The following KNL1 variants were observed in gnomAD, a reference collection of about 807,000 sequenced individuals.
KNL1 encodes outer kinetochore KNL1 complex subunit KNL1.
A neutral mutation model predicts 201.3 loss-of-function variants in KNL1; 66 were observed. The observed-to-expected ratio is 0.33, with a 90% CI of 0.27 to 0.40. The LOEUF (loss-of-function observed/expected upper bound fraction) is 0.40, where lower values mean the gene tolerates loss of function less well. Ranked by LOEUF, KNL1 falls within the 10% of genes least tolerant of loss-of-function variation. The pLI is 1.00. For synonymous variants in KNL1, 895 were observed against 899.2 expected, an observed-to-expected ratio of 1.00 and a Z score of 0.08; for missense variants, 2,815 against 2,690.5, an observed-to-expected ratio of 1.05 and a Z score of -1.02.
chr15:40,652,439 C>G (rs956670746), intron 21 of KNL1, among the ~76,000 whole-genome samples: 9 of 149,888 alleles, frequency 6.0e-5, no homozygotes, highest in Non-Finnish European at 1.0e-4. Flanking sequence ...AGAATTTACC[C>G]TAATGGCTGG....
At chr15:40,654,423 GTAGTTGAACAGTC>G (rs59569687) in intron 21 of KNL1, among the ~76,000 whole-genome samples, 5,192 of 152,080 alleles carry the variant, frequency 0.034, 275 homozygotes, top group African/African-American at 0.12. Flanking sequence ...ACCAATCAAT[GTAGTTGAACAGTC>G]TCAGGGGAGC....
Position 40,624,077 on chromosome 15 carries a change from A to G in KNL1, c.3813A>G (p.Gln1271=), listed in dbSNP as rs562254573. Residue 1271 remains glutamine, a synonymous_variant, in exon 10 of 26, where the codon CAA becomes CAG. Coordinates refer to ENST00000399668, the MANE Select transcript of KNL1 (RefSeq NM_144508.5). ...VDQACTLEKA[Q]VESCQLNNRD... is the part of the protein sequence containing the mutation. ...AGGCCTGTACATTGGAAAAAGCGCAAGTTGAAAGCTGTCAGTTAAATAATA... is the reference window on the plus strand; with the variant it reads ...AGGCCTGTACATTGGAAAAAGCGCAGGTTGAAAGCTGTCAGTTAAATAATA... The G allele has an allele frequency of 1.9e-6, 3 of 1,614,086 alleles. No individual in the cohort carries two copies.
intron 13 of KNL1, among the ~76,000 whole-genome samples, chr15:40,637,072 C>G (rs1186423965): frequency 6.6e-6 from 1 of 150,824 alleles, no homozygotes; most frequent in Admixed American, 6.6e-5. Flanking sequence ...AGTTTGTTTT[C>G]TTGGGATCCA....
At chr15:40,648,346 C>G (rs577266329) in intron 17 of KNL1, among the ~76,000 whole-genome samples, 12 of 152,264 alleles carry the variant, frequency 7.9e-5, no homozygotes, top group African/African-American at 2.9e-4. Context: ...GCAGGAAGAT[C>G]TCTTGAGCCC....
intron 4 of KNL1, among the ~76,000 whole-genome samples, chr15:40,607,665 G>T (rs1042955809): frequency 1.7e-4 from 26 of 152,188 alleles, no homozygotes; most frequent in African/African-American, 6.0e-4. Flanking sequence ...AAGAAGGTGG[G>T]GAAGGAAGGT....
At chr15:40,609,891 G>C (rs763751236) in intron 5 of KNL1, among the ~76,000 whole-genome samples, 9 of 152,000 alleles carry the variant, frequency 5.9e-5, no homozygotes, top group Non-Finnish European at 1.0e-4. Context: ...GTCTCTACTA[G>C]AAATAAAAAA....
intron 5 of KNL1, 67 bp downstream of exon 5, chr15:40,608,975 A>T: frequency 1.0e-6 from 1 of 987,250 alleles, no homozygotes; most frequent in Admixed American, 1.8e-5. Context: ...AACCAAATGT[A>T]TTGGTACTGA....
At chr15:40,614,077 C>T (rs1236132573) in intron 7 of KNL1, among the ~76,000 whole-genome samples, 48 of 149,400 alleles carry the variant, frequency 3.2e-4, no homozygotes, top group African/African-American at 1.2e-4. Flanking sequence ...GGATTACAGG[C>T]GTGAGCCACC....
Position 40,622,809 on chromosome 15 carries a change from G to A in KNL1, c.2545G>A (p.Gly849Arg). Residue 849 changes from glycine (G) to arginine (R), a missense_variant, in exon 10 of 26, where the codon GGA becomes AGA. Transcript: ENST00000399668. ...PKEKQNVKIW[G>R]RKSVGGPKID... ...GGAAAAGCAAAATGTCAAAATTTGG[G>A]GAAGGAAAAGTGTTGGTGGACCAAA... The A allele has an allele frequency of 6.2e-7, 1 of 1,612,892 alleles. No individual in the cohort carries two copies. The highest frequency in any genetic ancestry group is 2.2e-5 in the East Asian group (1 of 44,866).
Position 40,651,461 on chromosome 15 carries a change from T to C in KNL1, c.6213-10T>C. 1.9e-6 allele frequency: 3 copies of C among 1,577,832 alleles called. No individual in the cohort carries two copies. Among genetic ancestry groups the C allele is most frequent in the Non-Finnish European group, 2.6e-6 (3 of 1,163,010 alleles). ...ACCTTATCTCTCTGAATACCTGCTT[T>C]TATTTGCAGAAATCTCTTAGAACTG... On this transcript the variant is annotated splice_polypyrimidine_tract_variant and intron_variant, in intron 19 of 25. Transcript: ENST00000399668.
chr15:40,652,192 A>G (rs1271367887), intron 21 of KNL1, 87 bp downstream of exon 21: 3 of 808,142 alleles, frequency 3.7e-6, no homozygotes, highest in Middle Eastern at 2.8e-4. Context: ...TACTATACTG[A>G]TAACTATTGG....
chr15:40,620,853 AAAG>A lies in KNL1; in HGVS notation c.593_595del (p.Glu198del), dbSNP rs766707686. On this transcript the variant is annotated inframe_deletion, in exon 10 of 26. Transcript: ENST00000399668. ...TCACACCGAGGACTCAAGAATGAAA[AAAG>A]AAGTAAATTTTTCCGTGGATCAAAA... 21 of 1,595,782 alleles carry A rather than the reference AAAG, an allele frequency of 1.3e-5. No homozygotes were observed. Among genetic ancestry groups the A allele is most frequent in the Non-Finnish European group, 1.6e-5 (19 of 1,174,454 alleles).
chr15:40,602,094 A>G (rs1264716822), intron 1 of KNL1, among the ~76,000 whole-genome samples: 3 of 149,944 alleles, frequency 2.0e-5, no homozygotes, highest in African/African-American at 7.4e-5. Context: ...TGGTGGCGCT[A>G]TCTCGGCTCA....
chr15:40,618,506 A>G (rs1426931909), intron 8 of KNL1, among the ~76,000 whole-genome samples: 1 of 152,040 alleles, frequency 6.6e-6, no homozygotes, highest in East Asian at 1.9e-4. Context: ...CAGGAAATAA[A>G]AATAGAGAAG....
intron 14 of KNL1, 27 bp from the exon 15 acceptor site, chr15:40,644,970 G>A: frequency 6.9e-7 from 1 of 1,458,822 alleles, no homozygotes; most frequent in Non-Finnish European, 9.6e-7. Context: ...TTTCCCTACA[G>A]TGCTAATTAA....
At chr15:40,601,137 G>T (rs544407581) in intron 1 of KNL1, among the ~76,000 whole-genome samples, 1 of 152,182 alleles carries the variant, frequency 6.6e-6, no homozygotes, top group Non-Finnish European at 1.5e-5. Context: ...TCCGCCTTCT[G>T]TCGGATCAGC....
rs1477856606 is a variant in KNL1 at position 40,622,916 on chromosome 15, T to C, written c.2652T>C (p.His884=). Residue 884 remains histidine (H), a synonymous_variant, in exon 10 of 26, where the codon CAT becomes CAC. Coordinates refer to ENST00000399668, the MANE Select transcript of KNL1 (RefSeq NM_144508.5). The part of the protein sequence containing the change: ...ITKSYTIEIN[H]RPLLEKRDCH... Reference sequence around the variant, plus strand: ...AGAGTTATACAATAGAAATAAACCATAGACCTTTATTAGAGAAACGTGATT... The same window carrying C: ...AGAGTTATACAATAGAAATAAACCACAGACCTTTATTAGAGAAACGTGATT... The C allele has an allele frequency of 6.2e-7, 1 of 1,612,806 alleles. No individual in the cohort carries two copies. The highest frequency in any genetic ancestry group is 1.1e-5 in the South Asian group (1 of 90,998).
At chr15:40,642,436 C>G (rs1285700867) in intron 14 of KNL1, among the ~76,000 whole-genome samples, 1 of 151,702 alleles carries the variant, frequency 6.6e-6, no homozygotes, top group African/African-American at 2.4e-5. Context: ...GTTTTAAAAT[C>G]AGAAATTTAA....
intron 7 of KNL1, among the ~76,000 whole-genome samples, chr15:40,613,758 C>T (rs183434793): frequency 2.2e-4 from 33 of 151,720 alleles, no homozygotes; most frequent in African/African-American, 7.7e-4. Flanking sequence ...AGGTGTGCAC[C>T]ACTACACCTG....
Sources: allele counts gnomAD v4.1 joint callset (sites outside exome capture counted in the v4.1 genomes callset), GRCh38; gene constraint gnomAD v4.1.1; transcripts MANE v1.5; gene names NCBI Gene and HGNC (gene_info 2026-07-23, HGNC 2026-07-21).